The following SYNE1 variants were observed in gnomAD, a reference collection of about 807,000 sequenced individuals.
SYNE1 encodes the protein nesprin-1.
Under a neutral mutation model 1,111.0 loss-of-function variants are expected in SYNE1, and 616 were observed. The observed-to-expected ratio is 0.55, with a 90% CI of 0.52 to 0.59. The LOEUF is 0.59. SYNE1 is among the 20% of genes least tolerant of loss of function. SYNE1 has a pLI of 0.00. For missense variants in SYNE1, 10,006 were observed against 10,417.0 expected (o/e 0.96, Z 1.72); for synonymous variants, 3,855 against 3,825.8 (o/e 1.01, Z -0.28).
chr6:152,407,147 G>A lies in SYNE1; in HGVS notation c.6590C>T (p.Ser2197Phe). Residue 2197 changes from serine (S) to phenylalanine (F), a missense_variant, in exon 45 of 146, where the codon TCC becomes TTC. Coordinates refer to ENST00000367255, the MANE Select transcript of SYNE1 (RefSeq NM_182961.4). ...AGTTGACAGTACATCATCCCAAATG[G>A]ACAGGCTTACTCTCAGCCTATCCAT... The part of the protein sequence containing the change: ...ENMDRLRVSL[S>F]IWDDVLSTRD... The A allele has an allele frequency of 6.2e-7, 1 of 1,613,944 alleles. No homozygotes were observed. The highest frequency in any genetic ancestry group is 8.5e-7 in the Non-Finnish European group (1 of 1,179,982).
intron 133 of SYNE1, 39 bp downstream of exon 133, chr6:152,154,853 T>C: frequency 6.2e-7 from 1 of 1,612,766 alleles, no homozygotes; most frequent in Non-Finnish European, 8.5e-7. Context: ...GCTACTTTAA[T>C]AGCAAAATAA....
At chr6:152,565,437 AGTAT>A (rs1352470118) in intron 3 of SYNE1, among the ~76,000 whole-genome samples, 2 of 152,150 alleles carry the variant, frequency 1.3e-5, no homozygotes, top group African/African-American at 2.4e-5. Context: ...GTCAGGGAAA[AGTAT>A]GGACTTATTA....
At chr6:152,606,678 G>T (rs1322264556) in intron 3 of SYNE1, among the ~76,000 whole-genome samples, 1 of 151,992 alleles carries the variant, frequency 6.6e-6, no homozygotes, top group East Asian at 1.9e-4. Context: ...GACGGAGCCT[G>T]GCTCTGTCGC....
At position 152,549,711 on chromosome 6, in the gene SYNE1, T is replaced by C. The variant is rs188524445; in HGVS notation, c.68-9690A>G. Among the ~76,000 whole-genome samples the C allele has an allele frequency of 1.4e-4, 21 of 152,108 alleles. No homozygotes were observed. In the East Asian group the frequency reaches 3.7e-3, roughly 27 times the overall value. On this transcript the variant is annotated intron_variant, in intron 3 of 145. Transcript: ENST00000367255. Reference sequence around the variant, plus strand: ...CTGTGGGCTTGAGGGAAAAGATGAGTTAAGAGAATTTTTAGGGAGTCTTGC... The same window carrying C: ...CTGTGGGCTTGAGGGAAAAGATGAGCTAAGAGAATTTTTAGGGAGTCTTGC...
Position 152,401,210 on chromosome 6 carries a change from C to G in SYNE1, c.6957G>C (p.Trp2319Cys). 1 of 1,614,124 alleles carries G rather than the reference C, an allele frequency of 6.2e-7. No individual in the cohort carries two copies. The highest frequency in any genetic ancestry group is 8.5e-7 in the Non-Finnish European group (1 of 1,180,004). The stretch of plus-strand genomic sequence containing the variant: ...TCAACGATTCTTCCACTTTTGTGAA[C>G]CATGTTGTTATGTCATTAATAAACT... The part of the protein sequence containing the change: ...VEKFINDITT[W>C]FTKVEESLMN... The change falls in exon 47 of 146, where the codon TGG becomes TGC. Residue 2319 changes from tryptophan (W) to cysteine (C), a missense_variant. Coordinates refer to ENST00000367255, the MANE Select transcript of SYNE1 (RefSeq NM_182961.4).
chr6:152,516,208 G>A (rs574608662), intron 6 of SYNE1, among the ~76,000 whole-genome samples: 5 of 152,306 alleles, frequency 3.3e-5, no homozygotes, highest in East Asian at 1.9e-4. Flanking sequence ...GAGTGTGGCC[G>A]ACAAGAATGT....
At chr6:152,353,829 T>C in intron 67 of SYNE1, 85 bp from the exon 68 acceptor site, 1 of 1,542,246 alleles carries the variant, frequency 6.5e-7, no homozygotes, top group Non-Finnish European at 8.9e-7. Flanking sequence ...GGAAATGGTT[T>C]CAGTGTAGGT....
chr6:152,611,479 G>A (rs2099631129), intron 3 of SYNE1, among the ~76,000 whole-genome samples: 1 of 152,142 alleles, frequency 6.6e-6, no homozygotes, highest in Admixed American at 6.5e-5. Flanking sequence ...CAATACAGGA[G>A]CACCCAGATT....
At chr6:152,530,267 T>G (rs2099189981) in intron 4 of SYNE1, among the ~76,000 whole-genome samples, 1 of 152,196 alleles carries the variant, frequency 6.6e-6, no homozygotes, top group African/African-American at 2.4e-5. Flanking sequence ...TTCTTCTTGG[T>G]TAAATCATCT....
At chr6:152,300,315 C>T (rs2095102204) in intron 93 of SYNE1, among the ~76,000 whole-genome samples, 1 of 152,136 alleles carries the variant, frequency 6.6e-6, no homozygotes, top group African/African-American at 2.4e-5. Context: ...AATGGTGACA[C>T]ACATCTTTTA....
In SYNE1 at chr6:152,256,711, C is replaced by T. The variant is rs773713870; in HGVS notation, c.19027G>A (p.Val6343Met). 7 of 1,613,948 alleles carry T rather than the reference C, an allele frequency of 4.3e-6. No individual in the cohort carries two copies. The African/African-American group carries it at 5.3e-5, about 12-fold the overall frequency. ...LSGVPLYKGDVPTQDKSAVTS... is the reference protein window; with the variant it reads ...LSGVPLYKGDMPTQDKSAVTS... ...ACTGCAGATTTATCTTGGGTTGGCA[C>T]GTCCCCTTTGTACAGTGGCACACCA... The change falls in exon 102 of 146, where the codon GTG becomes ATG. Residue 6343 changes from valine (V) to methionine (M), a missense_variant. Val to Met is a conservative substitution (Grantham distance 21). Transcript: ENST00000367255.
chr6:152,180,087 A>G, intron 129 of SYNE1, 49 bp downstream of exon 129: 1 of 1,602,882 alleles, frequency 6.2e-7, no homozygotes, highest in Non-Finnish European at 8.5e-7. Context: ...TGAAAAGTAC[A>G]CATAAGCCTT....
At chr6:152,307,945 G>T (rs2095428555) in intron 91 of SYNE1, among the ~76,000 whole-genome samples, 1 of 152,142 alleles carries the variant, frequency 6.6e-6, no homozygotes, top group East Asian at 1.9e-4. Flanking sequence ...TGCTTCTCCT[G>T]CCTCAACCTC....
intron 3 of SYNE1, among the ~76,000 whole-genome samples, chr6:152,560,586 A>G (rs1447176133): frequency 1.3e-5 from 2 of 152,188 alleles, no homozygotes; most frequent in South Asian, 4.1e-4. Context: ...CACTCATTTT[A>G]TAAGGCCAGC....
At position 152,148,107 on chromosome 6, in the gene SYNE1, G is replaced by C; in HGVS notation, c.24914C>G (p.Ser8305Cys). The C allele has an allele frequency of 1.2e-6, 2 of 1,614,196 alleles. No homozygotes were observed. Among genetic ancestry groups the C allele is most frequent in the Non-Finnish European group, 1.7e-6 (2 of 1,180,044 alleles). Reference protein sequence around the residue: ...LESAMSRALPSEDEEGQDDKD... With the variant: ...LESAMSRALPCEDEEGQDDKD... ...GTCATCCTGACCTTCTTCATCCTCAGAGGGCAGAGCTCTGGACATTGCAGA... is the reference window on the plus strand; with the variant it reads ...GTCATCCTGACCTTCTTCATCCTCACAGGGCAGAGCTCTGGACATTGCAGA... The change falls in exon 137 of 146, where the codon TCT (serine) becomes TGT (cysteine). Residue 8305 changes from serine (S) to cysteine (C), a missense_variant. Physicochemically the swap from Ser to Cys is moderately radical, Grantham distance 112 (BLOSUM62 -1). Transcript: ENST00000367255. The surrounding 1 kb of genome is among the most constrained non-coding windows in gnomAD (Gnocchi z 4.1).
intron 3 of SYNE1, among the ~76,000 whole-genome samples, chr6:152,600,121 C>T (rs1165122213): frequency 6.6e-6 from 1 of 152,186 alleles, no homozygotes; most frequent in Non-Finnish European, 1.5e-5. Context: ...TTGACAAGCC[C>T]TATGACTTCA....
intron 128 of SYNE1, among the ~76,000 whole-genome samples, chr6:152,185,046 C>T (rs2153220128): frequency 6.6e-6 from 1 of 152,260 alleles, no homozygotes; most frequent in South Asian, 2.1e-4. Context: ...GAAATACATC[C>T]TTTTCTGGTT....
At position 152,628,459 on chromosome 6, in the gene SYNE1, T is replaced by G; in HGVS notation, c.-128A>C. 11 of 897,602 alleles carry G rather than the reference T, an allele frequency of 1.2e-5. No individual in the cohort carries two copies. Among genetic ancestry groups the G allele is most frequent in the Non-Finnish European group, 1.8e-5 (10 of 546,478 alleles). 55.6% of individuals were successfully genotyped at this position (897,602 alleles called of 1,614,324 possible). A position where few individuals can be genotyped will look rare whatever the true frequency, so the allele number is the denominator to read the frequency against. On this transcript the variant is annotated 5_prime_UTR_variant, in exon 3 of 146. Transcript: ENST00000367255. ...TCTGTCATAAATGAATTCCAGGCCT[T>G]TGCAGCACTCAACAAGGAGGCAGCT... is the stretch of plus-strand genomic sequence containing the variant.
rs752449613 is a variant in SYNE1, at chr6:152,176,538, A to G, written c.23483T>C (p.Ile7828Thr). 10 of 1,614,172 alleles carry G rather than the reference A, an allele frequency of 6.2e-6. No individual in the cohort carries two copies. Among genetic ancestry groups the G allele is most frequent in the Non-Finnish European group, 8.5e-6 (10 of 1,180,022 alleles). Residue 7828 changes from isoleucine (I) to threonine (T), a missense_variant, in exon 130 of 146, where the codon ATT becomes ACT. This residue lies in a region of SYNE1 where 2,182 missense variants were observed against 2,287.8 expected (regional missense o/e 0.95). Transcript: ENST00000367255. The stretch of plus-strand genomic sequence containing the variant: ...GAGCTGTATTTTGTTCTCTTGAGCA[A>G]TAGCAATTTCCTCTTGATAATCCTG... ...LKKDYQEEIAIAQENKIQLQQ... is the reference protein window; with the variant it reads ...LKKDYQEEIATAQENKIQLQQ...
Sources: allele counts gnomAD v4.1 joint callset (sites outside exome capture counted in the v4.1 genomes callset), GRCh38; gene constraint gnomAD v4.1.1; regional missense constraint gnomAD v4.1.1; non-coding constraint Gnocchi (gnomAD v3.1); transcripts MANE v1.5; gene names NCBI Gene and HGNC (gene_info 2026-07-23, HGNC 2026-07-21).